Variants in PTPRN2 observed in about 807,000 individuals in gnomAD.
PTPRN2 encodes the protein receptor-type tyrosine-protein phosphatase N2.
PTPRN2 carries 74 observed loss-of-function variants against 118.8 expected under a neutral mutation model. That is an observed-to-expected ratio of 0.62 (90% CI 0.52 to 0.76). The LOEUF (loss-of-function observed/expected upper bound fraction) is 0.76. Among genes scored for constraint, PTPRN2 ranks in the 30% least tolerant of loss-of-function variants. The pLI is 0.00. For synonymous variants in PTPRN2, 641 were observed against 608.0 expected, an observed-to-expected ratio of 1.05 and a Z score of -0.80; for missense variants, 1,481 against 1,394.4, an observed-to-expected ratio of 1.06 and a Z score of -0.99.
chr7:157,980,811 G>A (rs1241948817), intron 11 of PTPRN2, among the ~76,000 whole-genome samples: 1 of 152,214 alleles, frequency 6.6e-6, no homozygotes, highest in African/African-American at 2.4e-5. Flanking sequence ...TCTGCCCACA[G>A]CCTTGGAAAG....
chr7:157,935,765 A>T (rs1799657865), intron 11 of PTPRN2, among the ~76,000 whole-genome samples: 1 of 152,152 alleles, frequency 6.6e-6, no homozygotes, highest in African/African-American at 2.4e-5. Context: ...CCTGGGAGGC[A>T]TCGGCATCTG....
intron 9 of PTPRN2, among the ~76,000 whole-genome samples, chr7:158,128,206 C>T (rs1226207658): frequency 6.6e-6 from 1 of 152,176 alleles, no homozygotes. Flanking sequence ...TGAAAACTTG[C>T]CCAAGAGAAT....
rs367768229 is a variant in PTPRN2, at chr7:157,631,480, C to T, written c.2197-9971G>A. Among the ~76,000 whole-genome samples the T allele has an allele frequency of 1.9e-3, 285 of 152,226 alleles. 1 individual carries two copies. Among genetic ancestry groups the T allele is most frequent in the African/African-American group, 6.4e-3 (265 of 41,552 alleles). On this transcript the variant is annotated intron_variant, in intron 14 of 22. Transcript: ENST00000389418. ...TTGGGAGGCTGAGGCGGGCGGATCA[C>T]GAGGTCAGGAGATCGAGACCATCCT...
intron 11 of PTPRN2, among the ~76,000 whole-genome samples, chr7:157,985,933 T>C (rs1037959011): frequency 2.6e-5 from 4 of 152,098 alleles, no homozygotes; most frequent in African/African-American, 9.7e-5. Flanking sequence ...ACAGCCCACC[T>C]GGCTGACGAG....
At chr7:157,814,076 G>A (rs78993493) in intron 12 of PTPRN2, among the ~76,000 whole-genome samples, 18,372 of 152,272 alleles carry the variant, frequency 0.12, 1,430 homozygotes, top group South Asian at 0.28. Context: ...CCACACTGCC[G>A]TGCTGCGCAG....
chr7:158,085,949 C>G (rs973523196), intron 10 of PTPRN2, among the ~76,000 whole-genome samples: 49 of 148,972 alleles, frequency 3.3e-4, no homozygotes, highest in Non-Finnish European at 6.0e-4. Flanking sequence ...TCCACATACA[C>G]GACGCCCATC....
chr7:158,255,305 G>A (rs778733987), intron 3 of PTPRN2, among the ~76,000 whole-genome samples: 3 of 152,176 alleles, frequency 2.0e-5, no homozygotes, highest in Non-Finnish European at 4.4e-5. Context: ...CACCACAGAG[G>A]AAACCAAAAG....
At chr7:158,421,527 G>A (rs1178969379) in intron 2 of PTPRN2, among the ~76,000 whole-genome samples, 1 of 152,186 alleles carries the variant, frequency 6.6e-6, no homozygotes, top group Non-Finnish European at 1.5e-5. Context: ...ATGTGCCTCA[G>A]AAATAAATGG....
At chr7:158,425,863 G>A (rs375066662) in intron 2 of PTPRN2, among the ~76,000 whole-genome samples, 81 of 61,308 alleles carry the variant, frequency 1.3e-3, no homozygotes, top group African/African-American at 1.8e-3. Context: ...GGAAAGACGC[G>A]GGGTCCGAGT....
At chr7:157,862,135 T>G (rs1261511887) in intron 12 of PTPRN2, among the ~76,000 whole-genome samples, 1 of 151,824 alleles carries the variant, frequency 6.6e-6, no homozygotes, top group Non-Finnish European at 1.5e-5. Context: ...CTCTGTGTGC[T>G]GGAGTTTGTC....
chr7:158,530,700 G>A (rs902578949), intron 1 of PTPRN2, among the ~76,000 whole-genome samples: 1 of 152,238 alleles, frequency 6.6e-6, no homozygotes, highest in African/African-American at 2.4e-5. Context: ...ATGAAACAGA[G>A]TGAGTGCTGG....
chr7:158,483,076 C>T (rs544819492), intron 2 of PTPRN2, among the ~76,000 whole-genome samples: 2 of 152,298 alleles, frequency 1.3e-5, no homozygotes, highest in South Asian at 4.1e-4. Flanking sequence ...CATCAGAGCA[C>T]GCCCTTTGCC....
intron 12 of PTPRN2, among the ~76,000 whole-genome samples, chr7:157,731,915 GC>G (rs1182711601): frequency 2.0e-5 from 1 of 48,958 alleles, no homozygotes; most frequent in Non-Finnish European, 4.9e-5. Flanking sequence ...CCCGTCCCAT[GC>G]GCCCAGCACA....
At position 158,178,802 on chromosome 7, in the gene PTPRN2, T is replaced by G. The variant is rs1215714122; in HGVS notation, c.550-11511A>C. Among the ~76,000 whole-genome samples the G allele has an allele frequency of 3.3e-5, 5 of 152,106 alleles. No homozygotes were observed. The East Asian group carries it at 9.7e-4, about 30-fold the overall frequency. ...TTAGTAGAGACGAGGTTTCATCATG[T>G]TGGCCAGGATGGTCTCAATCTCTTG... is the stretch of plus-strand genomic sequence containing the variant. On this transcript the variant is annotated intron_variant, in intron 5 of 22. Transcript: ENST00000389418.
intron 12 of PTPRN2, among the ~76,000 whole-genome samples, chr7:157,820,462 CACAA>C (rs1381090093): frequency 1.5e-4 from 23 of 151,536 alleles, no homozygotes; most frequent in African/African-American, 2.4e-5. Context: ...CACACATGCA[CACAA>C]ACACCCACAC....
At chr7:158,505,098 A>G (rs1383711828) in intron 1 of PTPRN2, among the ~76,000 whole-genome samples, 3 of 152,222 alleles carry the variant, frequency 2.0e-5, no homozygotes, top group East Asian at 1.9e-4. Context: ...AAGTTAAAAC[A>G]TGAACTCTGA....
intron 4 of PTPRN2, among the ~76,000 whole-genome samples, chr7:158,203,277 A>AAGGAAGGAAGGAAGGG (rs1826802855): frequency 6.6e-6 from 1 of 150,962 alleles, no homozygotes; most frequent in African/African-American, 2.4e-5. Flanking sequence ...AGGAAAGAAA[A>AAGGAAGGAAGGAAGGG]AGGAAGGAAG....
chr7:157,853,638 G>T (rs554422668), intron 12 of PTPRN2, among the ~76,000 whole-genome samples: 19 of 152,234 alleles, frequency 1.2e-4, no homozygotes, highest in South Asian at 2.1e-4. Context: ...ACTGTCCGAG[G>T]AGCCTCCTCC....
Position 158,075,456 on chromosome 7 carries a change from A to T in PTPRN2, c.1723+5842T>A, listed in dbSNP as rs777697499. On this transcript the variant is annotated intron_variant, in intron 11 of 22. Coordinates refer to ENST00000389418, the MANE Select transcript of PTPRN2 (RefSeq NM_002847.5). ...CCATGTCCAGCCCACGTGGCCCTGG[A>T]CACAAGCTGGGGCTGGTTCACACAC... 6.1e-4 allele frequency among the ~76,000 whole-genome samples: 92 copies of T among 151,986 alleles called. 1 individual carries two copies. The highest frequency in any genetic ancestry group is 3.2e-4 in the Non-Finnish European group (22 of 67,986).
Sources: gnomAD v4.1 joint callset for allele counts (sites outside exome capture counted in the v4.1 genomes callset) on GRCh38, gnomAD v4.1.1 for gene constraint, MANE v1.5 for transcripts, NCBI Gene and HGNC (gene_info 2026-07-23, HGNC 2026-07-21) for gene names.